MYO9A: variants seen among roughly 807,000 people sequenced by gnomAD.
The protein encoded by MYO9A is myosin IXA, also known as unconventional myosin-IXa.
A neutral mutation model predicts 293.3 loss-of-function variants in MYO9A; 103 were observed. The observed-to-expected ratio is 0.35, with a 90% CI of 0.30 to 0.41. The LOEUF (loss-of-function observed/expected upper bound fraction) is 0.41, where lower values mean the gene tolerates loss of function less well. MYO9A is among the 10% of genes least tolerant of loss of function. The probability of loss-of-function intolerance (pLI) is 1.00; values close to 1 mark genes in which losing one functional copy is unlikely to be tolerated. For missense variants in MYO9A, 2,685 were observed against 3,033.0 expected (o/e 0.89, Z 2.69); for synonymous variants, 1,001 against 1,035.7 (o/e 0.97, Z 0.64).
chr15:71,893,073 A>G, intron 26 of MYO9A: 1 of 1,290,028 alleles, frequency 7.8e-7, no homozygotes, highest in Non-Finnish European at 1.0e-6. Flanking sequence ...CATCGTAATC[A>G]TCTTCCTCTG....
At chr15:71,978,537 T>C (rs1166896702) in intron 11 of MYO9A, among the ~76,000 whole-genome samples, 1 of 152,190 alleles carries the variant, frequency 6.6e-6, no homozygotes, top group Non-Finnish European at 1.5e-5. Context: ...CTAATCAAAA[T>C]GTAGGGCTAG....
intron 39 of MYO9A, among the ~76,000 whole-genome samples, chr15:71,838,089 A>G (rs190520137): frequency 4.1e-4 from 63 of 152,252 alleles, no homozygotes; most frequent in Admixed American, 9.1e-4. Flanking sequence ...GTATCATAAA[A>G]ATAAATTTGA....
intron 9 of MYO9A, among the ~76,000 whole-genome samples, chr15:71,994,932 A>G (rs1288394194): frequency 6.6e-6 from 1 of 152,094 alleles, no homozygotes; most frequent in East Asian, 1.9e-4. Flanking sequence ...GGGTTTCTCC[A>G]TGTTGGTCAG....
At chr15:71,963,893 C>T (rs550455403) in intron 13 of MYO9A, among the ~76,000 whole-genome samples, 1 of 152,302 alleles carries the variant, frequency 6.6e-6, no homozygotes, top group African/African-American at 2.4e-5. Context: ...TGGAAGCATT[C>T]ACTAGTAAAA....
chr15:71,878,571 G>A (rs990187274), intron 30 of MYO9A, among the ~76,000 whole-genome samples: 15 of 152,012 alleles, frequency 9.9e-5, no homozygotes, highest in Non-Finnish European at 1.6e-4. Flanking sequence ...AATGAACCTT[G>A]TTTAGATGGT....
chr15:71,934,212 T>C (rs376440522), intron 17 of MYO9A, among the ~76,000 whole-genome samples: 1 of 152,162 alleles, frequency 6.6e-6, no homozygotes, highest in East Asian at 1.9e-4. Context: ...AATTTATTTT[T>C]AGCCTTTTTT....
intron 15 of MYO9A, among the ~76,000 whole-genome samples, chr15:71,941,225 C>A (rs550158780): frequency 3.7e-4 from 57 of 152,196 alleles, no homozygotes; most frequent in Admixed American, 1.5e-3. Flanking sequence ...CACCTGAGGT[C>A]AGGAGTTCGA....
chr15:71,917,756 G>A (rs1435207047), intron 18 of MYO9A, among the ~76,000 whole-genome samples: 2 of 152,112 alleles, frequency 1.3e-5, no homozygotes, highest in African/African-American at 4.8e-5. Flanking sequence ...CTATACAGAT[G>A]TAAACTATAT....
At chr15:71,842,880 A>G (rs533994699) in intron 39 of MYO9A, among the ~76,000 whole-genome samples, 2 of 149,198 alleles carry the variant, frequency 1.3e-5, no homozygotes, top group South Asian at 2.1e-4. Context: ...AAAAATTTCT[A>G]TATGCAATTT....
intron 18 of MYO9A, among the ~76,000 whole-genome samples, chr15:71,928,027 A>AT (rs2058360113): frequency 9.3e-5 from 1 of 10,754 alleles, no homozygotes; most frequent in Non-Finnish European, 2.6e-4. Context: ...ATACCTTTCT[A>AT]ATATATATAT....
At chr15:72,114,645 C>A (rs772831087) in intron 1 of MYO9A, 18 of 152,140 alleles carry the variant, frequency 1.2e-4, no homozygotes, top group Non-Finnish European at 2.2e-4. Flanking sequence ...AGTTTTGTTT[C>A]CTAAATGTTT....
chr15:71,945,680 T>C (rs1471244679), intron 15 of MYO9A, among the ~76,000 whole-genome samples: 1 of 152,128 alleles, frequency 6.6e-6, no homozygotes, highest in Non-Finnish European at 1.5e-5. Context: ...ACACTTCCTA[T>C]ATTAATGAAT....
intron 12 of MYO9A, among the ~76,000 whole-genome samples, chr15:71,976,705 C>T (rs1184107038): frequency 6.6e-6 from 1 of 152,140 alleles, no homozygotes; most frequent in African/African-American, 2.4e-5. Flanking sequence ...ATGCAAGAAA[C>T]TTTTACAAAA....
intron 1 of MYO9A, among the ~76,000 whole-genome samples, chr15:72,050,692 T>C (rs1024858709): frequency 1.3e-5 from 2 of 152,162 alleles, no homozygotes; most frequent in African/African-American, 4.8e-5. Flanking sequence ...TAGTTATGAG[T>C]TGAGGAAATG....
In MYO9A at chr15:72,117,749, C is replaced by A; in HGVS notation, c.-141G>T. ...CGGAAGCTGCCTTCCACCCTCCGCC[C>A]CAGGGTAGGACCGGAGATGGCAGAA... is the stretch of plus-strand genomic sequence containing the variant. On this transcript the variant is annotated 5_prime_UTR_variant, in exon 1 of 42. Transcript: ENST00000356056. 2.5e-6 allele frequency: 1 copy of A among 397,926 alleles called. No individual in the cohort carries two copies. The highest frequency in any genetic ancestry group is 1.3e-4 in the South Asian group (1 of 7,794). The allele number at this position is 397,926 out of a possible 1,614,324, so 24.6% of individuals were successfully genotyped here. A position where few individuals can be genotyped will look rare whatever the true frequency, so the allele number is the denominator to read the frequency against.
In MYO9A at chr15:72,002,623, T is replaced by C. The variant is rs530744998; in HGVS notation, c.1381-2683A>G. On this transcript the variant is annotated intron_variant, in intron 8 of 41. Transcript: ENST00000356056. ...AAAAGCCAAGTTTCAGAATAATATA[T>C]ACAGTGTAACATTTATATAAAGACC... Among the ~76,000 whole-genome samples, 3 of 152,310 alleles carry C rather than the reference T, an allele frequency of 2.0e-5. No homozygotes were observed. In the East Asian group the frequency reaches 5.8e-4, roughly 29 times the overall value.
Position 71,893,704 on chromosome 15 carries a change from T to C in MYO9A, c.5117A>G (p.Lys1706Arg). 1 of 1,614,002 alleles carries C rather than the reference T, an allele frequency of 6.2e-7. No individual in the cohort carries two copies. Among genetic ancestry groups the C allele is most frequent in the South Asian group, 1.1e-5 (1 of 91,080 alleles). ...CTCTCTTTGGCCTGGCCCAGCTAACTTCACAGGTTTCCATGCTGGTTCATC... is the reference window on the plus strand; with the variant it reads ...CTCTCTTTGGCCTGGCCCAGCTAACCTCACAGGTTTCCATGCTGGTTCATC... ...KEDEPAWKPV[K>R]LAGPGQRETS... The change falls in exon 26 of 42, where the codon AAG becomes AGG. Residue 1706 changes from lysine (K) to arginine (R), a missense_variant. Transcript: ENST00000356056.
chr15:72,075,299 T>C (rs1223018782), intron 1 of MYO9A, among the ~76,000 whole-genome samples: 2 of 151,878 alleles, frequency 1.3e-5, no homozygotes, highest in Non-Finnish European at 2.9e-5. Context: ...TATTCACATA[T>C]AATAAAAATT....
intron 16 of MYO9A, 41 bp from the exon 17 acceptor site, chr15:71,935,525 CT>C: frequency 6.3e-7 from 1 of 1,575,002 alleles, no homozygotes; most frequent in Non-Finnish European, 8.7e-7. Flanking sequence ...GAAGACGTCT[CT>C]AACACTATAC....
Sources: allele counts gnomAD v4.1 joint callset (sites outside exome capture counted in the v4.1 genomes callset), GRCh38; gene constraint gnomAD v4.1.1; transcripts MANE v1.5; gene names NCBI Gene and HGNC (gene_info 2026-07-23, HGNC 2026-07-21).